The following PHC3 variants were observed in gnomAD, a reference collection of about 807,000 sequenced individuals.
PHC3 encodes the protein polyhomeotic-like protein 3.
In PHC3, 13 loss-of-function variants were observed where a neutral mutation model predicts 107.4. The ratio of observed to expected loss-of-function variants is 0.12; its 90% CI spans 0.08 to 0.19. PHC3 has a LOEUF of 0.19. Ranked by LOEUF, PHC3 falls within the 10% of genes least tolerant of loss-of-function variation. The probability of loss-of-function intolerance (pLI) is 1.00; values close to 1 mark genes in which losing one functional copy is unlikely to be tolerated. For missense variants in PHC3, 992 were observed against 1,210.9 expected, an observed-to-expected ratio of 0.82 and a Z score of 2.68; for synonymous variants, 456 against 427.4, an observed-to-expected ratio of 1.07 and a Z score of -0.83.
At chr3:170,141,264 A>G (rs141303116) in intron 6 of PHC3, among the ~76,000 whole-genome samples, 2 of 152,246 alleles carry the variant, frequency 1.3e-5, no homozygotes, top group African/African-American at 2.4e-5. Context: ...TCACCTACCA[A>G]TGCCAGACTC....
intron 4 of PHC3, among the ~76,000 whole-genome samples, chr3:170,154,178 C>G (rs1219616109): frequency 3.3e-5 from 5 of 152,070 alleles, no homozygotes; most frequent in Non-Finnish European, 4.4e-5. Flanking sequence ...CTTCATATAT[C>G]CAGTATCTAC....
chr3:170,162,935 TCCC>T (rs1450554404), intron 4 of PHC3, among the ~76,000 whole-genome samples: 2 of 152,236 alleles, frequency 1.3e-5, no homozygotes, highest in East Asian at 3.8e-4. Context: ...AACAAGGCTT[TCCC>T]TGACCATCCT....
chr3:170,172,106 T>C (rs1259871796), intron 3 of PHC3, among the ~76,000 whole-genome samples: 1 of 152,230 alleles, frequency 6.6e-6, no homozygotes, highest in African/African-American at 2.4e-5. Flanking sequence ...AGATTGTTAC[T>C]GTGGCCACCT....
At chr3:170,162,607 C>T (rs1009907328) in intron 4 of PHC3, among the ~76,000 whole-genome samples, 10 of 152,164 alleles carry the variant, frequency 6.6e-5, no homozygotes, top group African/African-American at 2.2e-4. Context: ...TCCAAATTGC[C>T]AATATCTCTC....
chr3:170,178,334 G>T (rs929098962), intron 2 of PHC3, among the ~76,000 whole-genome samples: 4 of 150,890 alleles, frequency 2.7e-5, no homozygotes, highest in Admixed American at 2.6e-4. Context: ...TAGTAGAGAC[G>T]GGGTTTCACC....
chr3:170,112,985 G>C (rs1718133696), intron 11 of PHC3, among the ~76,000 whole-genome samples: 1 of 152,124 alleles, frequency 6.6e-6, no homozygotes, highest in Non-Finnish European at 1.5e-5. Context: ...CAACCCAGAA[G>C]CTCTAAAATT....
Position 170,136,503 on chromosome 3 carries a change from T to C in PHC3, c.835A>G (p.Asn279Asp). The C allele has an allele frequency of 6.2e-7, 1 of 1,607,154 alleles. No individual in the cohort carries two copies. Among genetic ancestry groups the C allele is most frequent in the Non-Finnish European group, 8.5e-7 (1 of 1,177,100 alleles). Residue 279 changes from asparagine to aspartate, a missense_variant, in exon 7 of 15, where the codon AAT becomes GAT. Physicochemically the swap from Asn to Asp is conservative, Grantham distance 23. This residue lies in a region of PHC3 where 543 missense variants were observed against 590.8 expected (regional missense o/e 0.92). Coordinates refer to ENST00000495893, the MANE Select transcript of PHC3 (RefSeq NM_024947.4). The stretch of plus-strand genomic sequence containing the variant: ...AGGCTTGGGCTCTCTCCTTTCTTAT[T>C]ACTTTCTGGAGAAGGATCTCGTTGG... Reference protein sequence around the residue: ...ISQRDPSPESNKKGESPSLES... With the variant: ...ISQRDPSPESDKKGESPSLES...
At chr3:170,180,707 C>T (rs1029375441) in intron 1 of PHC3, among the ~76,000 whole-genome samples, 2 of 151,962 alleles carry the variant, frequency 1.3e-5, no homozygotes, top group Admixed American at 6.6e-5. Flanking sequence ...TATCGTGTAC[C>T]AGTGACATGC....
chr3:170,130,827 A>T (rs555045964), intron 7 of PHC3, among the ~76,000 whole-genome samples: 8 of 152,208 alleles, frequency 5.3e-5, no homozygotes, highest in Non-Finnish European at 1.0e-4. Flanking sequence ...AACTGAGTTC[A>T]CAAGAAGATA....
intron 7 of PHC3, among the ~76,000 whole-genome samples, chr3:170,135,716 G>A (rs1722965788): frequency 6.6e-6 from 1 of 151,376 alleles, no homozygotes; most frequent in African/African-American, 2.4e-5. Context: ...GGCAAATGGT[G>A]CTAAGTTTAA....
At chr3:170,117,804 G>A (rs186414391) in intron 9 of PHC3, among the ~76,000 whole-genome samples, 38 of 151,282 alleles carry the variant, frequency 2.5e-4, no homozygotes, top group Admixed American at 2.5e-3. Flanking sequence ...AGACCATCCT[G>A]GCCAACATGG....
In PHC3 at chr3:170,171,286, A is replaced by C. The variant is rs112896268; in HGVS notation, c.414+87T>G. 6,104 of 945,718 alleles carry C rather than the reference A, an allele frequency of 6.5e-3. 37 individuals carry two copies. Among genetic ancestry groups the C allele is most frequent in the Non-Finnish European group, 8.7e-3 (5,503 of 631,412 alleles). The allele number at this position is 945,718 out of a possible 1,614,324, so 58.6% of individuals were successfully genotyped here. Reference sequence around the variant, plus strand: ...TAAACAGCATGCAACAAATTATAATAACAGCTTCATAAATAACAACAGTTT... The same window carrying C: ...TAAACAGCATGCAACAAATTATAATCACAGCTTCATAAATAACAACAGTTT... On this transcript the variant is annotated intron_variant, in intron 4 of 14. Coordinates refer to ENST00000495893, the MANE Select transcript of PHC3 (RefSeq NM_024947.4).
At chr3:170,168,483 C>T (rs1224916294) in intron 4 of PHC3, among the ~76,000 whole-genome samples, 4 of 152,050 alleles carry the variant, frequency 2.6e-5, no homozygotes, top group Non-Finnish European at 5.9e-5. Context: ...CACCACTCCA[C>T]GGCCGGGCAC....
rs1429005999 is a variant in PHC3 at position 170,094,614 on chromosome 3, A to G, written c.*2616T>C. On this transcript the variant is annotated 3_prime_UTR_variant, in exon 15 of 15. Coordinates refer to ENST00000495893, the MANE Select transcript of PHC3 (RefSeq NM_024947.4). ...AGTGTTGTCTATATATCCATTATAT[A>G]TAGCTGAAGCTTTGAAATTAAGATG... is the stretch of plus-strand genomic sequence containing the variant. 1 of 152,226 alleles carries G rather than the reference A, an allele frequency of 6.6e-6. No homozygotes were observed. The highest frequency in any genetic ancestry group is 2.4e-5 in the African/African-American group (1 of 41,470). 9.4% of individuals were successfully genotyped at this position (152,226 alleles called of 1,614,324 possible). A position where few individuals can be genotyped will look rare whatever the true frequency, so the allele number is the denominator to read the frequency against.
At chr3:170,165,981 T>TA (rs534346356) in intron 4 of PHC3, among the ~76,000 whole-genome samples, 1,622 of 108,536 alleles carry the variant, frequency 0.015, 14 homozygotes, top group South Asian at 0.033. Context: ...TAAAAGAAAT[T>TA]AAAAAAAAAA....
chr3:170,126,746 G>A (rs1407224568), intron 8 of PHC3, among the ~76,000 whole-genome samples: 1 of 151,206 alleles, frequency 6.6e-6, no homozygotes, highest in Admixed American at 6.6e-5. Context: ...TCTCTATGTT[G>A]GCCAGGCTGG....
intron 14 of PHC3, chr3:170,102,087 T>G (rs922634653): frequency 2.1e-6 from 2 of 938,166 alleles, no homozygotes; most frequent in African/African-American, 3.6e-5. Context: ...ACTTCATTTT[T>G]TAAAAGGTTA....
intron 14 of PHC3, among the ~76,000 whole-genome samples, chr3:170,100,569 G>A (rs2108261321): frequency 6.6e-6 from 1 of 152,278 alleles, no homozygotes; most frequent in Non-Finnish European, 1.5e-5. Flanking sequence ...TTATATAATA[G>A]CTGTGTCCTT....
rs761544685 is a variant in PHC3 at position 170,122,670 on chromosome 3, G to A, written c.1863C>T (p.Thr621=). Residue 621 remains threonine, a synonymous_variant, in exon 9 of 15, where the codon ACC becomes ACT. Coordinates refer to ENST00000495893, the MANE Select transcript of PHC3 (RefSeq NM_024947.4). ...ESDECVRMDR[T]PPPPTLSPAA... ...CTGGAGACAAAGTGGGTGGTGGTGG[G>A]GTTCTATCCATCCGGACACATTCAT... is the stretch of plus-strand genomic sequence containing the variant. 10 of 1,613,690 alleles carry A rather than the reference G, an allele frequency of 6.2e-6. No individual in the cohort carries two copies. The highest frequency in any genetic ancestry group is 1.7e-5 in the Admixed American group (1 of 59,980).
Sources: allele counts gnomAD v4.1 joint callset (sites outside exome capture counted in the v4.1 genomes callset), GRCh38; gene constraint gnomAD v4.1.1; regional missense constraint gnomAD v4.1.1; transcripts MANE v1.5; gene names NCBI Gene and HGNC (gene_info 2026-07-23, HGNC 2026-07-21).